PSMA8: variants seen among roughly 807,000 people sequenced by gnomAD.
PSMA8 encodes proteasome 20S subunit alpha 8.
A neutral mutation model predicts 32.4 loss-of-function variants in PSMA8; 18 were observed. The ratio of observed to expected loss-of-function variants is 0.56; its 90% CI spans 0.38 to 0.82. The LOEUF is 0.82. Among genes scored for constraint, PSMA8 ranks in the 40% least tolerant of loss-of-function variants. The pLI, the probability that PSMA8 is intolerant of heterozygous loss-of-function variation, is 0.00. For missense variants in PSMA8, 298 were observed against 300.7 expected, an observed-to-expected ratio of 0.99 and a Z score of 0.07; for synonymous variants, 104 against 98.1, an observed-to-expected ratio of 1.06 and a Z score of -0.36.
intron 6 of PSMA8, among the ~76,000 whole-genome samples, chr18:26,190,654 C>T (rs1174745911): frequency 6.6e-6 from 1 of 152,110 alleles, no homozygotes; most frequent in Non-Finnish European, 1.5e-5. Flanking sequence ...GTTGCTGAGG[C>T]GGTAGGATGG....
In PSMA8 at chr18:26,144,596, T is replaced by C. The variant is rs147712923; in HGVS notation, c.140T>C (p.Val47Ala). ...GGTACCAATATAGTTGTTCTTGGGG[T>C]AGAAAAAAAATCTGTTGCCAAGCTT... Reference protein sequence around the residue: ...IRGTNIVVLGVEKKSVAKLQD... With the variant: ...IRGTNIVVLGAEKKSVAKLQD... The change falls in exon 2 of 7, where the codon GTA becomes GCA. Residue 47 changes from valine to alanine, a missense_variant. By Grantham distance (64) the Val-to-Ala change is moderately conservative (BLOSUM62 0). Coordinates refer to ENST00000415576, the MANE Select transcript of PSMA8 (RefSeq NM_001025096.2). 6.1e-4 allele frequency: 987 copies of C among 1,613,546 alleles called. 2 individuals carry two copies. Among genetic ancestry groups the C allele is most frequent in the Non-Finnish European group, 4.1e-4 (483 of 1,179,612 alleles).
In PSMA8 at chr18:26,183,852, C is replaced by A. The variant is rs9951935; in HGVS notation, c.660+4722C>A. ...GGAAGAGTCTATCAATGTGGCAAAC[C>A]TCATTGTTGTCTTATTTTAAGAAAT... On this transcript the variant is annotated intron_variant, in intron 6 of 6. Transcript: ENST00000415576. Among the ~76,000 whole-genome samples, 200 of 150,112 alleles carry A rather than the reference C, an allele frequency of 1.3e-3. 18 individuals are homozygous for A. The highest frequency in any genetic ancestry group is 4.6e-3 in the African/African-American group (187 of 40,528).
intron 1 of PSMA8, among the ~76,000 whole-genome samples, chr18:26,134,566 C>T (rs569747461): frequency 9.2e-5 from 14 of 152,108 alleles, no homozygotes; most frequent in Non-Finnish European, 1.9e-4. Context: ...AAGTTGGCCA[C>T]ACCTGCTCCC....
intron 2 of PSMA8, among the ~76,000 whole-genome samples, chr18:26,148,949 C>G (rs1670418506): frequency 6.6e-6 from 1 of 152,122 alleles, no homozygotes; most frequent in Admixed American, 6.5e-5. Flanking sequence ...AGGGCTCAAG[C>G]AACCCTCCCA....
At position 26,168,128 on chromosome 18, in the gene PSMA8, A is replaced by G. The variant is rs1200901812; in HGVS notation, c.477+9884A>G. ...ACATAAAATTTTAAAAAGGCTTTTCAGTTTATAATGCATCCTAACAGTCCC... is the reference window on the plus strand; with the variant it reads ...ACATAAAATTTTAAAAAGGCTTTTCGGTTTATAATGCATCCTAACAGTCCC... On this transcript the variant is annotated intron_variant, in intron 4 of 6. Coordinates refer to ENST00000415576, the MANE Select transcript of PSMA8 (RefSeq NM_001025096.2). Among the ~76,000 whole-genome samples, 2 of 112,034 alleles carry G rather than the reference A, an allele frequency of 1.8e-5. 1 individual carries two copies. The highest frequency in any genetic ancestry group is 3.2e-5 in the Non-Finnish European group (2 of 62,528). 73.5% of individuals were successfully genotyped at this position (112,034 alleles called of 152,430 possible). A position where few individuals can be genotyped will look rare whatever the true frequency, so the allele number is the denominator to read the frequency against.
intron 3 of PSMA8, 112 bp from the exon 4 acceptor site, chr18:26,158,010 T>A: frequency 1.4e-6 from 1 of 700,032 alleles, no homozygotes; most frequent in Non-Finnish European, 2.3e-6. Context: ...ATCATTAATA[T>A]ATGTCGAATA....
intron 1 of PSMA8, among the ~76,000 whole-genome samples, chr18:26,136,540 C>T (rs1163637788): frequency 6.6e-6 from 1 of 152,150 alleles, no homozygotes; most frequent in Non-Finnish European, 1.5e-5. Flanking sequence ...CTTTCTGCTG[C>T]TCTGCATCTT....
chr18:26,148,470 C>T (rs1244822364), intron 2 of PSMA8, among the ~76,000 whole-genome samples: 1 of 151,940 alleles, frequency 6.6e-6, no homozygotes, highest in East Asian at 1.9e-4. Flanking sequence ...AACACTCTTT[C>T]TTGGTAATGG....
intron 3 of PSMA8, among the ~76,000 whole-genome samples, chr18:26,156,693 ATT>A (rs1491527652): frequency 6.8e-6 from 1 of 147,216 alleles, no homozygotes; most frequent in Non-Finnish European, 1.5e-5. Context: ...TTTTATATAT[ATT>A]ATATATAAAA....
intron 6 of PSMA8, among the ~76,000 whole-genome samples, chr18:26,184,880 A>G (rs2055340540): frequency 6.7e-6 from 1 of 148,924 alleles, no homozygotes; most frequent in Non-Finnish European, 1.5e-5. Flanking sequence ...TGAGGTTAGG[A>G]GTTTGAGACC....
In PSMA8 at chr18:26,191,798, A is replaced by G. The variant is rs183334839; in HGVS notation, c.661-521A>G. On this transcript the variant is annotated intron_variant, in intron 6 of 6. Coordinates refer to ENST00000415576, the MANE Select transcript of PSMA8 (RefSeq NM_001025096.2). ...GCCGCAAGCATGTAACCTTGGATCT[A>G]CTTGTGAACAGTACAACAGAAAATC... 1.4e-3 allele frequency among the ~76,000 whole-genome samples: 206 copies of G among 152,312 alleles called. 1 individual carries two copies. The highest frequency in any genetic ancestry group is 4.4e-3 in the African/African-American group (185 of 41,586).
intron 6 of PSMA8, 125 bp from the exon 7 acceptor site, chr18:26,192,194 A>C (rs2144369202): frequency 1.3e-5 from 11 of 852,214 alleles, no homozygotes; most frequent in Non-Finnish European, 1.7e-5. Flanking sequence ...TGTATATTTG[A>C]AGTTACAAAA....
At chr18:26,171,744 A>AG (rs1459855068) in intron 4 of PSMA8, among the ~76,000 whole-genome samples, 3 of 152,316 alleles carry the variant, frequency 2.0e-5, no homozygotes, top group Admixed American at 6.5e-5. Flanking sequence ...AAAAAAAAAA[A>AG]AAGTCTTAGT....
Position 26,192,424 on chromosome 18 carries a change from C to A in PSMA8, c.*13C>A, listed in dbSNP as rs1000913922. The A allele has an allele frequency of 2.6e-6, 4 of 1,519,158 alleles. No individual in the cohort carries two copies. The African/African-American group carries it at 4.4e-5, about 17-fold the overall frequency. 94.1% of individuals were successfully genotyped at this position (1,519,158 alleles called of 1,614,324 possible). On this transcript the variant is annotated 3_prime_UTR_variant, in exon 7 of 7. Coordinates refer to ENST00000415576, the MANE Select transcript of PSMA8 (RefSeq NM_001025096.2). ...GAAATCTGTCTAATTCTTAGGATGA[C>A]CACTGGGAGGTCTTAATGTTTTGTT...
At chr18:26,171,505 G>A (rs1304042910) in intron 4 of PSMA8, among the ~76,000 whole-genome samples, 2 of 152,156 alleles carry the variant, frequency 1.3e-5, no homozygotes, top group African/African-American at 4.8e-5. Flanking sequence ...AGGCCGAAGC[G>A]GGTGGATCAC....
chr18:26,160,901 T>C (rs1471330498), intron 4 of PSMA8, among the ~76,000 whole-genome samples: 1 of 152,202 alleles, frequency 6.6e-6, no homozygotes, highest in African/African-American at 2.4e-5. Flanking sequence ...TAATGGGTAA[T>C]AGTGCCTTCC....
At position 26,177,825 on chromosome 18, in the gene PSMA8, AT is replaced by A. The variant is rs148760597; in HGVS notation, c.478-998del. Reference sequence around the variant, plus strand: ...AAATAGCTTTCTTCATGTTGATGTCATTTTTTTCCCCTCTCTTTGCTTTCTT... The same window carrying A: ...AAATAGCTTTCTTCATGTTGATGTCATTTTTTCCCCTCTCTTTGCTTTCTT... On this transcript the variant is annotated intron_variant, in intron 4 of 6. Coordinates refer to ENST00000415576, the MANE Select transcript of PSMA8 (RefSeq NM_001025096.2). 7.2e-3 allele frequency among the ~76,000 whole-genome samples: 1,088 copies of A among 152,110 alleles called. 16 individuals are homozygous for A. Among genetic ancestry groups the A allele is most frequent in the African/African-American group, 0.025 (1,032 of 41,446 alleles).
At chr18:26,190,165 G>A (rs1169160273) in intron 6 of PSMA8, among the ~76,000 whole-genome samples, 2 of 152,102 alleles carry the variant, frequency 1.3e-5, no homozygotes, top group African/African-American at 2.4e-5. Context: ...GGGGGGCAGG[G>A]GCAGGTGGGG....
rs771008940 is a variant in PSMA8, at chr18:26,143,751, T to C, written c.103-808T>C. On this transcript the variant is annotated intron_variant, in intron 1 of 6. Coordinates refer to ENST00000415576, the MANE Select transcript of PSMA8 (RefSeq NM_001025096.2). ...TTTCTTTTTTTTTTGAGCTTGAGTC[T>C]CGCTCTGTTGCCCAGGCTGGAGTGC... Among the ~76,000 whole-genome samples, 6 of 152,258 alleles carry C rather than the reference T, an allele frequency of 3.9e-5. No individual in the cohort carries two copies. In the South Asian group the frequency reaches 6.2e-4, roughly 16 times the overall value.
Sources: gnomAD v4.1 joint callset for allele counts (sites outside exome capture counted in the v4.1 genomes callset) on GRCh38, gnomAD v4.1.1 for gene constraint, MANE v1.5 for transcripts, NCBI Gene and HGNC (gene_info 2026-07-23, HGNC 2026-07-21) for gene names.